NRIP3: variants seen among roughly 807,000 people sequenced by gnomAD.
NRIP3 encodes nuclear receptor-interacting protein 3.
Under a neutral mutation model 29.0 loss-of-function variants are expected in NRIP3, and 31 were observed. The ratio of observed to expected loss-of-function variants is 1.07; its 90% CI spans 0.80 to 1.44. NRIP3 has a LOEUF of 1.44. NRIP3 is among the 40% of genes most tolerant of loss of function. The pLI, the probability that NRIP3 is intolerant of heterozygous loss-of-function variation, is 0.00. For missense variants in NRIP3, 314 were observed against 297.9 expected (o/e 1.05, Z -0.40); for synonymous variants, 131 against 118.3 (o/e 1.11, Z -0.70).
At chr11:8,994,051 AT>A (rs1854657873) in intron 1 of NRIP3, among the ~76,000 whole-genome samples, 1 of 152,150 alleles carries the variant, frequency 6.6e-6, no homozygotes, top group Non-Finnish European at 1.5e-5. Flanking sequence ...ATGGAGATTT[AT>A]TTTTCTCACA....
chr11:8,987,314 A>G (rs1854534741), intron 3 of NRIP3, among the ~76,000 whole-genome samples: 1 of 152,162 alleles, frequency 6.6e-6, no homozygotes, highest in South Asian at 2.1e-4. Flanking sequence ...CTCAAAACTT[A>G]ATAGGGGGAG....
At chr11:8,994,154 C>A (rs1854660087) in intron 1 of NRIP3, among the ~76,000 whole-genome samples, 1 of 152,120 alleles carries the variant, frequency 6.6e-6, no homozygotes, top group Admixed American at 6.5e-5. Flanking sequence ...CTTGGACATT[C>A]CTTCATGGTC....
At position 8,983,080 on chromosome 11, in the gene NRIP3, A is replaced by G. The variant is rs1400337766; in HGVS notation, c.*465T>C. The G allele has an allele frequency of 9.0e-6, 4 of 445,150 alleles. No homozygotes were observed. The highest frequency in any genetic ancestry group is 4.5e-6 in the Non-Finnish European group (1 of 223,812). 27.6% of individuals were successfully genotyped at this position (445,150 alleles called of 1,614,324 possible). A position where few individuals can be genotyped will look rare whatever the true frequency, so the allele number is the denominator to read the frequency against. ...TCCATACTTGAGAAATCAATGAATC[A>G]ATTTGAAGAAACTCTAATTCTAAGA... On this transcript the variant is annotated 3_prime_UTR_variant, in exon 7 of 7. Transcript: ENST00000309166.
At chr11:8,989,303 C>T (rs1002421143) in intron 1 of NRIP3, among the ~76,000 whole-genome samples, 7 of 152,208 alleles carry the variant, frequency 4.6e-5, no homozygotes, top group South Asian at 4.1e-4. Flanking sequence ...GTCCCGGCTA[C>T]AATACCATTT....
intron 1 of NRIP3, among the ~76,000 whole-genome samples, chr11:9,002,337 G>A (rs1854819656): frequency 6.6e-6 from 1 of 152,120 alleles, no homozygotes; most frequent in South Asian, 2.1e-4. Context: ...GAAGGGAAAA[G>A]AGAGTTATCT....
At chr11:8,995,837 C>T (rs1195530878) in intron 1 of NRIP3, among the ~76,000 whole-genome samples, 1 of 152,304 alleles carries the variant, frequency 6.6e-6, no homozygotes, top group East Asian at 1.9e-4. Context: ...AACCACTCTC[C>T]CTTTATTCAT....
At chr11:9,003,622 G>A in intron 1 of NRIP3, 140 bp downstream of exon 1, 2 of 796,078 alleles carry the variant, frequency 2.5e-6, no homozygotes, top group Non-Finnish European at 3.6e-6. Context: ...GGAAGGGGAG[G>A]AATCCGCGAC....
intron 3 of NRIP3, among the ~76,000 whole-genome samples, chr11:8,986,394 T>G (rs1854523611): frequency 6.6e-6 from 1 of 152,238 alleles, no homozygotes; most frequent in Admixed American, 6.5e-5. Flanking sequence ...GAGAAAATCC[T>G]TGTTAATTTA....
chr11:8,983,920 T>C lies in NRIP3; in HGVS notation c.665A>G (p.Lys222Arg). 6.2e-7 allele frequency: 1 copy of C among 1,614,228 alleles called. No homozygotes were observed. Among genetic ancestry groups the C allele is most frequent in the Non-Finnish European group, 8.5e-7 (1 of 1,180,028 alleles). Residue 222 changes from lysine to arginine, a missense_variant, in exon 6 of 7, where the codon AAG (lysine) becomes AGG (arginine). Transcript: ENST00000309166. ...TGTCTCCACAAAAGGGATTTCTTCC[T>C]TGTCTGTCTTCCCCATGATCAGCCG... ...KHRLIMGKTD[K>R]EEIPFVETVS...
rs35171191 is a variant in NRIP3 at position 8,993,808 on chromosome 11, CAAA to C, written c.175-5529_175-5527del. ...TGGGCAACAAAGCGAGACCCTGCCTCAAAAAAAAAAAAAAAAAAAAAGTAAGAC... is the reference window on the plus strand; with the variant it reads ...TGGGCAACAAAGCGAGACCCTGCCTCAAAAAAAAAAAAAAAAAAGTAAGAC... On this transcript the variant is annotated intron_variant, in intron 1 of 6. Coordinates refer to ENST00000309166, the MANE Select transcript of NRIP3 (RefSeq NM_020645.3). Among the ~76,000 whole-genome samples the C allele has an allele frequency of 6.1e-3, 566 of 92,232 alleles. 4 individuals carry two copies. Among genetic ancestry groups the C allele is most frequent in the African/African-American group, 0.02 (486 of 24,768 alleles). 60.5% of individuals were successfully genotyped at this position (92,232 alleles called of 152,430 possible). A position where few individuals can be genotyped will look rare whatever the true frequency, so the allele number is the denominator to read the frequency against.
intron 5 of NRIP3, 34 bp downstream of exon 5, chr11:8,984,038 G>C: frequency 1.2e-6 from 2 of 1,604,716 alleles, no homozygotes; most frequent in Non-Finnish European, 1.7e-6. Flanking sequence ...GCCTCAGAGA[G>C]GAAGTATCAA....
intron 1 of NRIP3, among the ~76,000 whole-genome samples, chr11:8,993,850 A>T (rs1031573141): frequency 9.9e-5 from 15 of 151,214 alleles, no homozygotes; most frequent in Non-Finnish European, 1.6e-4. Flanking sequence ...ATAGATAGTG[A>T]TGAAAACAGT....
chr11:8,983,445 CCACAGCAAGT>C lies in NRIP3; in HGVS notation c.*90_*99del. The C allele has an allele frequency of 2.7e-6, 3 of 1,114,510 alleles. No individual in the cohort carries two copies. Among genetic ancestry groups the C allele is most frequent in the Non-Finnish European group, 4.0e-6 (3 of 754,626 alleles). 69.0% of individuals were successfully genotyped at this position (1,114,510 alleles called of 1,614,324 possible). A position where few individuals can be genotyped will look rare whatever the true frequency, so the allele number is the denominator to read the frequency against. On this transcript the variant is annotated 3_prime_UTR_variant, in exon 7 of 7. Coordinates refer to ENST00000309166, the MANE Select transcript of NRIP3 (RefSeq NM_020645.3). ...CTTCTATTAGATGGAAGGACTTGGT[CCACAGCAAGT>C]CACTACGGCATTTGGTTCAAACCCA...
chr11:9,004,242 C>T (rs78094707), upstream of NRIP3: 7,584 of 230,522 alleles, frequency 0.033, 136 homozygotes, highest in African/African-American at 0.045. Context: ...ACCCAACCGC[C>T]CCCTCCTGCG....
Position 8,988,241 on chromosome 11 carries a change from G to A in NRIP3, c.216C>T (p.Asn72=), listed in dbSNP as rs761564901. Residue 72 remains asparagine (N), a synonymous_variant, in exon 2 of 7, where the codon AAC becomes AAT. Transcript: ENST00000309166. ...NILQRRLMET[N]LSKLRSGPRV... ...GGGGACCGCTTCGGAGCTTAGACAG[G>A]TTGGTTTCCATGAGGCGCCTCTGCA... 3 of 1,614,032 alleles carry A rather than the reference G, an allele frequency of 1.9e-6. No individual in the cohort carries two copies. The highest frequency in any genetic ancestry group is 2.5e-6 in the Non-Finnish European group (3 of 1,180,012).
rs554825993 is a variant in NRIP3 at position 8,980,836 on chromosome 11, A to C, written c.*2709T>G. 6.6e-6 allele frequency: 1 copy of C among 152,396 alleles called. No homozygotes were observed. Among genetic ancestry groups the C allele is most frequent in the South Asian group, 2.1e-4 (1 of 4,826 alleles). The allele number at this position is 152,396 out of a possible 1,614,324, so 9.4% of individuals were successfully genotyped here. On this transcript the variant is annotated 3_prime_UTR_variant, in exon 7 of 7. Coordinates refer to ENST00000309166, the MANE Select transcript of NRIP3 (RefSeq NM_020645.3). ...AAATTGTACCAGGTAGGGTCTGTGC[A>C]GGGCAAGAAAATAGAAAGAAGTCAG... is the stretch of plus-strand genomic sequence containing the variant.
rs573961135 is a variant in NRIP3 at position 9,001,338 on chromosome 11, G to C, written c.174+2424C>G. ...AGCTGGCAGGCTGGTATCAAGCAGT[G>C]AACATTACAGAAACAGCATAGTAAG... On this transcript the variant is annotated intron_variant, in intron 1 of 6. Transcript: ENST00000309166. Among the ~76,000 whole-genome samples the C allele has an allele frequency of 2.0e-5, 3 of 152,208 alleles. No homozygotes were observed. In the South Asian group the frequency reaches 6.2e-4, roughly 32 times the overall value.
In NRIP3 at chr11:8,984,100, A is replaced by T; in HGVS notation, c.587T>A (p.Leu196His). 1.9e-6 allele frequency: 3 copies of T among 1,613,070 alleles called. No homozygotes were observed. The highest frequency in any genetic ancestry group is 2.5e-6 in the Non-Finnish European group (3 of 1,179,052). ...VVDDNEKNLSLGLQTLRSLKC... is the reference protein window; with the variant it reads ...VVDDNEKNLSHGLQTLRSLKC... ...CAGAGATCGGAGAGTCTGTAGACCA[A>T]GGGACAAGTTTTTCTCATTGTCATC... The change falls in exon 5 of 7, where the codon CTT becomes CAT. Residue 196 changes from leucine (L) to histidine (H), a missense_variant. Transcript: ENST00000309166.
upstream of NRIP3, chr11:9,004,016 G>A (rs1458085711): frequency 6.1e-6 from 8 of 1,312,930 alleles, no homozygotes; most frequent in Middle Eastern, 5.6e-4. Context: ...CAAGGGCCCC[G>A]AGCCGCGCCT....
Sources: allele counts gnomAD v4.1 joint callset (sites outside exome capture counted in the v4.1 genomes callset), GRCh38; gene constraint gnomAD v4.1.1; transcripts MANE v1.5; gene names NCBI Gene and HGNC (gene_info 2026-07-23, HGNC 2026-07-21).